Variants in JAK1 observed in about 807,000 individuals in gnomAD.
The protein encoded by JAK1 is Janus kinase 1.
A neutral mutation model predicts 136.6 loss-of-function variants in JAK1; 16 were observed. That is an observed-to-expected ratio of 0.12 (90% CI 0.08 to 0.18). The LOEUF (loss-of-function observed/expected upper bound fraction) is 0.18. JAK1 is among the 10% of genes least tolerant of loss of function. The pLI, the probability that JAK1 is intolerant of heterozygous loss-of-function variation, is 1.00. For synonymous variants in JAK1, 492 were observed against 519.5 expected, an observed-to-expected ratio of 0.95 and a Z score of 0.72; for missense variants, 859 against 1,450.1, an observed-to-expected ratio of 0.59 and a Z score of 6.62.
In JAK1 at chr1:64,921,206, C is replaced by T. The variant is rs535821452; in HGVS notation, c.-77-34865G>A. ...TAATCCCACATTACAGAGTGCCAAA[C>T]CCCTTTAATAAGTGTAGCATATGTT... is the stretch of plus-strand genomic sequence containing the variant. On this transcript the variant is annotated intron_variant, in intron 1 of 24. Coordinates refer to ENST00000342505, the MANE Select transcript of JAK1 (RefSeq NM_002227.4). Among the ~76,000 whole-genome samples the T allele has an allele frequency of 1.9e-4, 29 of 152,186 alleles. 1 individual carries two copies. The South Asian group carries it at 4.8e-3, about 25-fold the overall frequency.
intron 2 of JAK1, among the ~76,000 whole-genome samples, chr1:65,043,809 G>A (rs551289308): frequency 4.1e-5 from 6 of 146,676 alleles, no homozygotes; most frequent in South Asian, 4.5e-4. Context: ...TGCAACCTCC[G>A]CCTCCTGGAG....
chr1:65,006,095 T>G (rs1224017183), intron 2 of JAK1, among the ~76,000 whole-genome samples: 2 of 152,214 alleles, frequency 1.3e-5, no homozygotes, highest in East Asian at 3.8e-4. Context: ...AGATTTTATC[T>G]CTTCACATAA....
chr1:65,056,903 G>A (rs933500505), intron 1 of JAK1, among the ~76,000 whole-genome samples: 4 of 139,436 alleles, frequency 2.9e-5, no homozygotes, highest in Admixed American at 8.0e-5. Context: ...CAGCCTGACC[G>A]CAGACTGAGA....
chr1:64,863,089 C>T (rs1390374004), intron 8 of JAK1, among the ~76,000 whole-genome samples: 1 of 141,162 alleles, frequency 7.1e-6, no homozygotes, highest in Non-Finnish European at 1.5e-5. Context: ...AACACAGGGC[C>T]TAATACCCAC....
upstream of JAK1, among the ~76,000 whole-genome samples, chr1:64,966,669 C>T (rs1029977151): frequency 6.7e-5 from 10 of 150,052 alleles, 1 homozygote; most frequent in East Asian, 1.8e-3. Context: ...GTCGCGGTCC[C>T]GGCGGAGACT....
chr1:64,960,020 A>T (rs903840457), intron 1 of JAK1, among the ~76,000 whole-genome samples: 3 of 152,236 alleles, frequency 2.0e-5, no homozygotes, highest in African/African-American at 7.2e-5. Flanking sequence ...TGAGCCCAGG[A>T]GTTCGAGACC....
At chr1:65,011,544 G>T (rs1465358764) in intron 2 of JAK1, among the ~76,000 whole-genome samples, 2 of 152,070 alleles carry the variant, frequency 1.3e-5, no homozygotes, top group South Asian at 2.1e-4. Context: ...TACTTAGAAA[G>T]CCAGAAAAAA....
At chr1:65,053,467 A>T (rs889969116) in intron 1 of JAK1, among the ~76,000 whole-genome samples, 9 of 152,216 alleles carry the variant, frequency 5.9e-5, no homozygotes, top group African/African-American at 1.9e-4. Flanking sequence ...TAAAGAAGCA[A>T]TTTTTAAAGG....
chr1:65,040,718 C>A (rs1647124056), intron 2 of JAK1, among the ~76,000 whole-genome samples: 1 of 152,128 alleles, frequency 6.6e-6, no homozygotes, highest in South Asian at 2.1e-4. Flanking sequence ...TAGTGGCGCT[C>A]TGGTTTTTCT....
intron 2 of JAK1, among the ~76,000 whole-genome samples, chr1:65,020,220 C>T (rs1434434054): frequency 7.7e-6 from 1 of 129,716 alleles, no homozygotes; most frequent in Non-Finnish European, 1.6e-5. Context: ...AGCAAAACTC[C>T]GTCTCAAAAA....
intron 12 of JAK1, among the ~76,000 whole-genome samples, chr1:64,850,541 C>G (rs1167805990): frequency 1.3e-5 from 2 of 152,242 alleles, no homozygotes; most frequent in Non-Finnish European, 2.9e-5. Context: ...CTTCAGCTCA[C>G]CACAGAAGGT....
At position 64,984,354 on chromosome 1, in the gene JAK1, C is replaced by T. The variant is rs1239090554; in HGVS notation, c.-78+60126G>A. Among the ~76,000 whole-genome samples, 5 of 152,166 alleles carry T rather than the reference C, an allele frequency of 3.3e-5. No individual in the cohort carries two copies. Among genetic ancestry groups the T allele is most frequent in the South Asian group, 2.1e-4 (1 of 4,834 alleles). ...AAGGGAGAAGAGCTGGCAAAGTTGT[C>T]GTATCCCAAGTGGTCAATCCCTCCT... On this transcript the variant is annotated intron_variant, in intron 2 of 25. Transcript: ENST00000671954. This position sits in a 1 kb window ranked among gnomAD's most constrained non-coding sequence, Gnocchi z 4.1.
At chr1:64,836,499 G>A (rs1218100594) in intron 22 of JAK1, among the ~76,000 whole-genome samples, 2 of 152,080 alleles carry the variant, frequency 1.3e-5, no homozygotes, top group Admixed American at 6.6e-5. Context: ...GGGTATGGGA[G>A]GAGGTGGCCG....
chr1:65,066,808 T>G (rs1246596278), intron 1 of JAK1: 1 of 152,766 alleles, frequency 6.5e-6, no homozygotes, highest in Non-Finnish European at 1.5e-5. Context: ...GGATCCTTCA[T>G]GTAAACAACA....
At chr1:64,953,531 C>T (rs746363069) in intron 1 of JAK1, among the ~76,000 whole-genome samples, 44 of 152,118 alleles carry the variant, frequency 2.9e-4, no homozygotes, top group Admixed American at 2.0e-3. Flanking sequence ...CAGTAAATCT[C>T]GTCTGACTTA....
chr1:65,000,766 ATTTCCAT>A (rs1179424239), intron 2 of JAK1, among the ~76,000 whole-genome samples: 2 of 151,860 alleles, frequency 1.3e-5, no homozygotes, highest in African/African-American at 4.8e-5. Context: ...GGGTGGTGGG[ATTTCCAT>A]TTATTTTCTG....
At chr1:64,922,671 T>C (rs1407822104) in intron 1 of JAK1, among the ~76,000 whole-genome samples, 2 of 152,156 alleles carry the variant, frequency 1.3e-5, no homozygotes, top group Non-Finnish European at 2.9e-5. Context: ...ATAGATTACA[T>C]ATCAAAAACT....
intron 5 of JAK1, 81 bp downstream of exon 5, chr1:64,873,289 C>A: frequency 6.5e-7 from 1 of 1,542,522 alleles, no homozygotes; most frequent in Non-Finnish European, 8.9e-7. Context: ...CCACCAAGTT[C>A]AGCTGCAGCA....
At chr1:65,053,940 GAAC>G (rs1474309740) in intron 1 of JAK1, among the ~76,000 whole-genome samples, 1 of 152,188 alleles carries the variant, frequency 6.6e-6, no homozygotes, top group East Asian at 1.9e-4. Context: ...TGGCAGGCAA[GAAC>G]AACAGCTAGC....
Sources: gnomAD v4.1 joint callset for allele counts (sites outside exome capture counted in the v4.1 genomes callset) on GRCh38, gnomAD v4.1.1 for gene constraint, Gnocchi (gnomAD v3.1) non-coding constraint, MANE v1.5 for transcripts, NCBI Gene and HGNC (gene_info 2026-07-23, HGNC 2026-07-21) for gene names.